The following PARP10 variants were observed in gnomAD, a reference collection of about 807,000 sequenced individuals.
PARP10 encodes protein mono-ADP-ribosyltransferase PARP10.
In PARP10, 56 loss-of-function variants were observed where a neutral mutation model predicts 82.4. The observed-to-expected ratio is 0.68, with a 90% CI of 0.55 to 0.85. The LOEUF (loss-of-function observed/expected upper bound fraction) is 0.85. PARP10 is among the 40% of genes least tolerant of loss of function. The pLI is 0.00. For missense variants in PARP10, 1,227 were observed against 1,379.4 expected, an observed-to-expected ratio of 0.89 and a Z score of 1.75; for synonymous variants, 576 against 601.1, an observed-to-expected ratio of 0.96 and a Z score of 0.61.
rs902446306 is a variant in PARP10 at position 143,983,347 on chromosome 8, C to T, written c.2242G>A (p.Ala748Thr). 2 of 1,609,564 alleles carry T rather than the reference C, an allele frequency of 1.2e-6. No individual in the cohort carries two copies. Among genetic ancestry groups the T allele is most frequent in the Non-Finnish European group, 1.7e-6 (2 of 1,179,150 alleles). The change falls in exon 8 of 11, where the codon GCA (alanine) becomes ACA (threonine). Residue 748 changes from alanine to threonine, a missense_variant. By Grantham distance (58) the Ala-to-Thr change is moderately conservative. Transcript: ENST00000313028. ...TVGPWRRTLP[A>T]ELRARLERCH... ...CGCTCCAGGCGAGCACGCAGCTCTG[C>T]AGGCAGTGTGCGGCGCCAGGGCCCC...
intron 1 of PARP10, among the ~76,000 whole-genome samples, chr8:144,004,877 C>T (rs1431371517): frequency 3.9e-5 from 6 of 151,986 alleles, no homozygotes; most frequent in Non-Finnish European, 7.4e-5. Context: ...GGAGTGGGCA[C>T]GGTTGAAAAG....
At chr8:144,004,163 A>G (rs1554751907) in intron 1 of PARP10, among the ~76,000 whole-genome samples, 1 of 151,482 alleles carries the variant, frequency 6.6e-6, no homozygotes, top group African/African-American at 2.4e-5. Context: ...AAATAAAAAC[A>G]AAAAATTAGC....
rs782782700 is a variant in PARP10, at chr8:143,983,682, T to C, written c.1907A>G (p.Glu636Gly). The C allele has an allele frequency of 6.9e-5, 111 of 1,609,342 alleles. No homozygotes were observed. Among genetic ancestry groups the C allele is most frequent in the Non-Finnish European group, 9.1e-5 (107 of 1,177,666 alleles). The change falls in exon 8 of 11, where the codon GAG becomes GGG. Residue 636 changes from glutamate to glycine, a missense_variant. By Grantham distance (98) the Glu-to-Gly change is moderately conservative (BLOSUM62 -2). Transcript: ENST00000313028. Reference sequence around the variant, plus strand: ...AGTGCTGGGGGCCACAGGCTCCTCCTCCTCATGCCCTGGGGTCACCTCCTC... The same window carrying C: ...AGTGCTGGGGGCCACAGGCTCCTCCCCCTCATGCCCTGGGGTCACCTCCTC... ...PEEEVTPGHE[E>G]EEPVAPSTVA...
In PARP10 at chr8:144,011,860, A is replaced by C. The variant is rs1834287098; in HGVS notation, c.-80+670T>G. Among the ~76,000 whole-genome samples, 1 of 152,158 alleles carries C rather than the reference A, an allele frequency of 6.6e-6. No homozygotes were observed. Among genetic ancestry groups the C allele is most frequent in the African/African-American group, 2.4e-5 (1 of 41,436 alleles). ...CAGCAGTAAGATAGAGACTCTGAGC[A>C]CCTGGGTCAGAAGAAATCATGGGCG... On this transcript the variant is annotated intron_variant, in intron 1 of 3. Transcript: ENST00000530478. The surrounding 1 kb of genome is among the most constrained non-coding windows in gnomAD (Gnocchi z 4.5).
intron 1 of PARP10, among the ~76,000 whole-genome samples, chr8:144,003,412 G>A (rs957762473): frequency 3.1e-5 from 4 of 128,004 alleles, no homozygotes; most frequent in Non-Finnish European, 6.3e-5. Context: ...CTGGGTGACA[G>A]AGTGAAACTC....
In PARP10 at chr8:143,983,489, A is replaced by G; in HGVS notation, c.2100T>C (p.Asp700=). 1 of 1,607,026 alleles carries G rather than the reference A, an allele frequency of 6.2e-7. No individual in the cohort carries two copies. ...QPPLEAEEPP[D]GGTDGKAQLV... Reference sequence around the variant, plus strand: ...GCTGGGCCTTGCCATCAGTCCCCCCATCTGGGGGCTCTTCTGCCTCCAACG... The same window carrying G: ...GCTGGGCCTTGCCATCAGTCCCCCCGTCTGGGGGCTCTTCTGCCTCCAACG... Residue 700 remains aspartate (D), a synonymous_variant, in exon 8 of 11, where the codon GAT becomes GAC. Coordinates refer to ENST00000313028, the MANE Select transcript of PARP10 (RefSeq NM_032789.5).
At chr8:143,981,912 A>G (rs62530289) in intron 9 of PARP10, among the ~76,000 whole-genome samples, 2 of 2 alleles carry the variant, frequency 1, 1 homozygote, top group African/African-American at 1. Flanking sequence ...GGTGGTGGTG[A>G]TGATGGTGAT....
upstream of PARP10, chr8:143,993,144 T>C (rs1834129100): frequency 2.7e-6 from 1 of 371,846 alleles, no homozygotes; most frequent in African/African-American, 2.1e-5. Context: ...CCCCAGGGAC[T>C]GGGGGCAGCA....
chr8:144,005,512 TTGAA>T (rs1326296855), intron 1 of PARP10, among the ~76,000 whole-genome samples: 1 of 152,100 alleles, frequency 6.6e-6, no homozygotes, highest in Non-Finnish European at 1.5e-5. Flanking sequence ...GGACAGTTCT[TTGAA>T]TGAGGGTAGC....
In PARP10 at chr8:143,977,680, C is replaced by G. The variant is rs782644455; in HGVS notation, c.2882G>C (p.Arg961Pro). 6.3e-7 allele frequency: 1 copy of G among 1,592,420 alleles called. No homozygotes were observed. The highest frequency in any genetic ancestry group is 2.3e-5 in the East Asian group (1 of 43,378). The change falls in exon 11 of 11, where the codon CGG becomes CCG. Residue 961 changes from arginine (R) to proline (P), a missense_variant. Physicochemically the swap from Arg to Pro is moderately radical, Grantham distance 103. Coordinates refer to ENST00000313028, the MANE Select transcript of PARP10 (RefSeq NM_032789.5). ...GDYGQGRRGL[R>P]APPLRGPGHV... ...GCCAGGACCCCGCAGAGGGGGCGCC[C>G]GCAGACCGCGGCGGCCCTGCCCGTA... is the stretch of plus-strand genomic sequence containing the variant.
chr8:143,992,698 G>A (rs1554750778), upstream of PARP10: 5 of 1,613,944 alleles, frequency 3.1e-6, no homozygotes, highest in Admixed American at 1.7e-5. Context: ...CCAGTTCCTC[G>A]CAGTGGACAC....
Position 143,986,146 on chromosome 8 carries a change from G to A in PARP10, c.90C>T (p.Tyr30=), listed in dbSNP as rs11544988. 1.1e-5 allele frequency: 18 copies of A among 1,614,034 alleles called. No individual in the cohort carries two copies. Among genetic ancestry groups the A allele is most frequent in the Non-Finnish European group, 1.4e-5 (17 of 1,179,972 alleles). Reference sequence around the variant, plus strand: ...CTCCAGAGCGTCGGCGGTTTTCAAAGTAGAGAGTGAGCAGCTCGTCGGGCA... The same window carrying A: ...CTCCAGAGCGTCGGCGGTTTTCAAAATAGAGAGTGAGCAGCTCGTCGGGCA... ...PAVPDELLTL[Y]FENRRRSGGG... The change falls in exon 2 of 11, where the codon TAC becomes TAT. Residue 30 remains tyrosine (Y), a synonymous_variant. Coordinates refer to ENST00000313028, the MANE Select transcript of PARP10 (RefSeq NM_032789.5).
At chr8:143,992,048 G>A (rs1247418273), upstream of PARP10, 2 of 1,613,830 alleles carry the variant, frequency 1.2e-6, no homozygotes, top group Middle Eastern at 1.6e-4. Flanking sequence ...GGGACTTCCG[G>A]CGAAAGCACC....
chr8:143,984,762 C>T lies in PARP10; in HGVS notation c.1240G>A (p.Val414Met). 1 of 1,613,650 alleles carries T rather than the reference C, an allele frequency of 6.2e-7. No homozygotes were observed. The highest frequency in any genetic ancestry group is 8.5e-7 in the Non-Finnish European group (1 of 1,179,822). The change falls in exon 5 of 11, where the codon GTG (valine) becomes ATG (methionine). Residue 414 changes from valine to methionine, a missense_variant. Coordinates refer to ENST00000313028, the MANE Select transcript of PARP10 (RefSeq NM_032789.5). The part of the protein sequence containing the change: ...AMDSPEQEGL[V>M]GPMEITMGSL... ...CCCATGGTGATCTCCATGGGACCCA[C>T]CAGCCCCTCTTGCTCTGGTGAGTCC...
chr8:143,996,425 T>C (rs932563965), intron 1 of PARP10, among the ~76,000 whole-genome samples: 5 of 152,176 alleles, frequency 3.3e-5, no homozygotes, highest in Non-Finnish European at 7.3e-5. Context: ...TAACAGACAG[T>C]TGGGGCCAGC....
In PARP10 at chr8:144,011,763, G is replaced by C. The variant is rs1554752519; in HGVS notation, c.-80+767C>G. ...GAGATCCAAGTGCGGAGAAGGCAAC[G>C]ACGGGAGATTTGGAATAGGGAACGC... is the stretch of plus-strand genomic sequence containing the variant. On this transcript the variant is annotated intron_variant, in intron 1 of 3. Transcript: ENST00000530478. This position sits in a 1 kb window ranked among gnomAD's most constrained non-coding sequence, Gnocchi z 4.5. Among the ~76,000 whole-genome samples the C allele has an allele frequency of 2.6e-5, 4 of 152,124 alleles. No individual in the cohort carries two copies. The highest frequency in any genetic ancestry group is 2.6e-4 in the Admixed American group (4 of 15,278).
At chr8:143,992,542 C>T, upstream of PARP10, 1 of 1,614,178 alleles carries the variant, frequency 6.2e-7, no homozygotes, top group Non-Finnish European at 8.5e-7. Context: ...CCATTCTCTG[C>T]ATCTTCATCC....
At chr8:143,992,200 C>T, upstream of PARP10, 2 of 1,600,426 alleles carry the variant, frequency 1.2e-6, no homozygotes, top group Non-Finnish European at 1.7e-6. Flanking sequence ...GCAGGGGTGG[C>T]ATGGGGGCAC....
At chr8:143,980,395 T>G (rs1219387826) in intron 9 of PARP10, among the ~76,000 whole-genome samples, 1 of 139,628 alleles carries the variant, frequency 7.2e-6, no homozygotes, top group Non-Finnish European at 1.5e-5. Flanking sequence ...TGTGGTGGTG[T>G]GTGCCTGTAA....
Sources: allele counts gnomAD v4.1 joint callset (sites outside exome capture counted in the v4.1 genomes callset), GRCh38; gene constraint gnomAD v4.1.1; non-coding constraint Gnocchi (gnomAD v3.1); transcripts MANE v1.5; gene names NCBI Gene and HGNC (gene_info 2026-07-23, HGNC 2026-07-21).